The following HSD17B12 variants were observed in gnomAD, a reference collection of about 807,000 sequenced individuals.
HSD17B12 encodes very-long-chain 3-oxoacyl-CoA reductase.
Under a neutral mutation model 39.3 loss-of-function variants are expected in HSD17B12, and 32 were observed. The observed-to-expected ratio is 0.81, with a 90% CI of 0.61 to 1.09. The LOEUF is 1.09. HSD17B12 is among the 50% of genes least tolerant of loss of function. The pLI, the probability that HSD17B12 is intolerant of heterozygous loss-of-function variation, is 0.00. For missense variants in HSD17B12, 342 were observed against 382.9 expected, an observed-to-expected ratio of 0.89 and a Z score of 0.89; for synonymous variants, 150 against 146.7, an observed-to-expected ratio of 1.02 and a Z score of -0.16.
chr11:43,794,538 C>G (rs535762484), intron 3 of HSD17B12, among the ~76,000 whole-genome samples: 1 of 152,266 alleles, frequency 6.6e-6, no homozygotes, highest in East Asian at 1.9e-4. Context: ...TGTGAAAGAA[C>G]AGAAAAATAA....
At chr11:43,833,907 A>G (rs144304546) in intron 7 of HSD17B12, 5 of 152,348 alleles carry the variant, frequency 3.3e-5, no homozygotes, top group African/African-American at 1.2e-4. Flanking sequence ...TATAGAGGAA[A>G]GTTGCTCTTT....
At chr11:43,696,375 T>C (rs1489678928) in intron 1 of HSD17B12, among the ~76,000 whole-genome samples, 1 of 152,206 alleles carries the variant, frequency 6.6e-6, no homozygotes, top group Non-Finnish European at 1.5e-5. Flanking sequence ...AACAGACACT[T>C]CTCAAAAAGA....
At chr11:43,582,053 A>G in the HSD17B12 span, among the ~76,000 whole-genome samples, 1 of 152,130 alleles carries the variant, frequency 6.6e-6, no homozygotes, top group East Asian at 1.9e-4. Context: ...AAAAGAGGGA[A>G]AACACCCAGG....
the HSD17B12 span, among the ~76,000 whole-genome samples, chr11:43,625,182 A>C: frequency 1.3e-5 from 2 of 151,756 alleles, no homozygotes; most frequent in African/African-American, 2.4e-5. Context: ...AACAAAATAT[A>C]AGAAAACAAA....
intron 1 of HSD17B12, among the ~76,000 whole-genome samples, chr11:43,742,129 AT>A: frequency 8.6e-6 from 1 of 115,764 alleles, no homozygotes; most frequent in African/African-American, 3.2e-5. Flanking sequence ...ATATATATAT[AT>A]ATATATATAT....
At position 43,823,915 on chromosome 11, in the gene HSD17B12, C is replaced by G. The variant is rs191210597; in HGVS notation, c.502-7061C>G. ...TGTGAGAATGTCCTAATCTTTGAATCTGCCAGAAGTGGAAGAGGCGGAAGG... is the reference window on the plus strand; with the variant it reads ...TGTGAGAATGTCCTAATCTTTGAATGTGCCAGAAGTGGAAGAGGCGGAAGG... On this transcript the variant is annotated intron_variant, in intron 6 of 10. Transcript: ENST00000278353. Among the ~76,000 whole-genome samples, 2 of 152,282 alleles carry G rather than the reference C, an allele frequency of 1.3e-5. 1 individual carries two copies. The highest frequency in any genetic ancestry group is 3.9e-4 in the East Asian group (2 of 5,178).
the HSD17B12 span, among the ~76,000 whole-genome samples, chr11:43,620,679 T>C: frequency 6.6e-6 from 1 of 152,214 alleles, no homozygotes; most frequent in Non-Finnish European, 1.5e-5. Flanking sequence ...CCCATTGAAA[T>C]ACTAAATATG....
chr11:43,705,297 A>T (rs1412051204), intron 1 of HSD17B12, among the ~76,000 whole-genome samples: 1 of 152,208 alleles, frequency 6.6e-6, no homozygotes, highest in Non-Finnish European at 1.5e-5. Flanking sequence ...CAAAGAGTAG[A>T]GGTATGTGGG....
At chr11:43,734,174 C>G in intron 1 of HSD17B12, 1 of 1,570,890 alleles carries the variant, frequency 6.4e-7, no homozygotes, top group South Asian at 1.2e-5. Flanking sequence ...ACTAATCACC[C>G]AGAGAGAGCT....
chr11:43,624,783 A>G, the HSD17B12 span, among the ~76,000 whole-genome samples: 1 of 151,870 alleles, frequency 6.6e-6, no homozygotes, highest in Non-Finnish European at 1.5e-5. Context: ...CAAGGTAAAA[A>G]TCAAGTAGGT....
At chr11:43,770,990 C>T (rs1425668960) in intron 3 of HSD17B12, among the ~76,000 whole-genome samples, 1 of 152,126 alleles carries the variant, frequency 6.6e-6, no homozygotes, top group African/African-American at 2.4e-5. Context: ...AATACTAAAA[C>T]AATGTAAACT....
At chr11:43,643,928 A>G in the HSD17B12 span, among the ~76,000 whole-genome samples, 1 of 152,238 alleles carries the variant, frequency 6.6e-6, no homozygotes, top group African/African-American at 2.4e-5. Context: ...AATGGGAAGC[A>G]TTTGACACTA....
chr11:43,744,356 T>TA (rs372925723), intron 1 of HSD17B12, among the ~76,000 whole-genome samples: 2,945 of 145,178 alleles, frequency 0.02, 52 homozygotes, highest in East Asian at 0.056. Context: ...GCCCCAATGA[T>TA]AAAAAAAAAA....
At chr11:43,669,992 C>T in the HSD17B12 span, among the ~76,000 whole-genome samples, 25 of 152,300 alleles carry the variant, frequency 1.6e-4, no homozygotes, top group African/African-American at 6.0e-4. Flanking sequence ...TGGGGAACAA[C>T]ATCCTTAAGG....
chr11:43,784,461 G>A (rs941128720), intron 3 of HSD17B12, among the ~76,000 whole-genome samples: 1 of 150,332 alleles, frequency 6.7e-6, no homozygotes, highest in Non-Finnish European at 1.5e-5. Flanking sequence ...GCAGGTGGGG[G>A]TGGGGGGCAG....
At chr11:43,770,132 T>G (rs1211974061) in intron 3 of HSD17B12, among the ~76,000 whole-genome samples, 1 of 152,180 alleles carries the variant, frequency 6.6e-6, no homozygotes, top group Non-Finnish European at 1.5e-5. Flanking sequence ...CCCATAGCAT[T>G]CCTCTCCATC....
At chr11:43,762,450 C>CT (rs1208991074) in intron 3 of HSD17B12, among the ~76,000 whole-genome samples, 5 of 152,212 alleles carry the variant, frequency 3.3e-5, no homozygotes, top group Non-Finnish European at 5.9e-5. Context: ...AGTCCAGATA[C>CT]AGCCCTTGCT....
At chr11:43,578,413 G>A in the HSD17B12 span, among the ~76,000 whole-genome samples, 1 of 152,152 alleles carries the variant, frequency 6.6e-6, no homozygotes, top group African/African-American at 2.4e-5. Context: ...CTCAGAAGCC[G>A]TCCCTCTCTC....
intron 1 of HSD17B12, among the ~76,000 whole-genome samples, chr11:43,733,235 G>T (rs1950285627): frequency 6.6e-6 from 1 of 152,186 alleles, no homozygotes. Context: ...ATATTGTATT[G>T]TATCGTTGGG....
Sources: allele counts gnomAD v4.1 joint callset (sites outside exome capture counted in the v4.1 genomes callset), GRCh38; gene constraint gnomAD v4.1.1; transcripts MANE v1.5; gene names NCBI Gene and HGNC (gene_info 2026-07-23, HGNC 2026-07-21).